ABR: variants seen among roughly 807,000 people sequenced by gnomAD.
ABR encodes the protein ABR activator of RhoGEF and GTPase.
Under a neutral mutation model 107.2 loss-of-function variants are expected in ABR, and 35 were observed. The observed-to-expected ratio is 0.33, with a 90% CI of 0.25 to 0.43. The LOEUF (loss-of-function observed/expected upper bound fraction) is 0.43. Among genes scored for constraint, ABR ranks in the 20% least tolerant of loss-of-function variants. The pLI, the probability that ABR is intolerant of heterozygous loss-of-function variation, is 1.00. For synonymous variants in ABR, 498 were observed against 462.0 expected, an observed-to-expected ratio of 1.08 and a Z score of -1.00; for missense variants, 815 against 1,115.2, an observed-to-expected ratio of 0.73 and a Z score of 3.83.
chr17:1,117,572 G>A (rs1417434890), intron 2 of ABR, among the ~76,000 whole-genome samples: 1 of 14,684 alleles, frequency 6.8e-5, no homozygotes, highest in African/African-American at 2.6e-4. Context: ...TTATCCCTGA[G>A]CCCGAGTTCC....
chr17:1,109,209 C>CA, intron 2 of ABR: 1 of 1,142,802 alleles, frequency 8.8e-7, no homozygotes, highest in Non-Finnish European at 1.2e-6. Flanking sequence ...CCCGGGACTG[C>CA]ATCCCGGACC....
chr17:1,123,395 C>T (rs780506903), intron 2 of ABR, among the ~76,000 whole-genome samples: 8 of 152,224 alleles, frequency 5.3e-5, no homozygotes, highest in Non-Finnish European at 1.0e-4. Context: ...CCAAGCAAGA[C>T]GCACAGCCAC....
At chr17:1,090,013 T>G (rs8071945) in intron 4 of ABR, among the ~76,000 whole-genome samples, 102,350 of 152,026 alleles carry the variant, frequency 0.67, 34,644 homozygotes, top group East Asian at 0.8. Context: ...TTTGGGGGAG[T>G]CAGGCAGTTA....
chr17:1,136,227 TGG>T (rs2040059448), intron 1 of ABR, among the ~76,000 whole-genome samples: 1 of 152,126 alleles, frequency 6.6e-6, no homozygotes, highest in Non-Finnish European at 1.5e-5. Context: ...TTGTTTTGTT[TGG>T]TTTTGTTGTT....
intron 1 of ABR, among the ~76,000 whole-genome samples, chr17:1,166,067 G>A (rs1332030961): frequency 4.3e-5 from 4 of 92,334 alleles, no homozygotes; most frequent in African/African-American, 1.3e-4. Flanking sequence ...CCCCGCCCCC[G>A]GAGTGTCCGC....
At chr17:1,169,970 G>A (rs1404065214) in intron 1 of ABR, among the ~76,000 whole-genome samples, 1 of 140,798 alleles carries the variant, frequency 7.1e-6, no homozygotes, top group East Asian at 2.2e-4. Context: ...GTTTGTATGG[G>A]GGGGTGTGTT....
intron 16 of ABR, among the ~76,000 whole-genome samples, chr17:1,034,042 C>A (rs2072998528): frequency 6.7e-6 from 1 of 149,416 alleles, no homozygotes; most frequent in African/African-American, 2.5e-5. Context: ...GCAATCTTGG[C>A]TCACTGCAGC....
intron 5 of ABR, among the ~76,000 whole-genome samples, chr17:1,081,148 GGCA>G (rs2036211538): frequency 6.6e-6 from 1 of 152,202 alleles, no homozygotes; most frequent in Non-Finnish European, 1.5e-5. Flanking sequence ...GGGCGGCCTT[GGCA>G]GGGCTGATCT....
chr17:1,227,224 G>A (rs1246264415), intron 1 of ABR, among the ~76,000 whole-genome samples: 1 of 152,100 alleles, frequency 6.6e-6, no homozygotes, highest in African/African-American at 2.4e-5. Flanking sequence ...GGAGACAGGC[G>A]ACGACTCACA....
At chr17:1,202,815 A>C (rs956008388) in intron 1 of ABR, among the ~76,000 whole-genome samples, 3 of 151,984 alleles carry the variant, frequency 2.0e-5, no homozygotes, top group Non-Finnish European at 4.4e-5. Flanking sequence ...TGCTTGGGAG[A>C]AAGTGGTCAG....
intron 16 of ABR, among the ~76,000 whole-genome samples, chr17:1,017,769 A>AT (rs1315981716): frequency 1.3e-5 from 2 of 150,134 alleles, no homozygotes; most frequent in African/African-American, 4.9e-5. Context: ...TGCCTGGCCA[A>AT]TTTTTTTATT....
intron 22 of ABR, 90 bp from the exon 23 acceptor site, chr17:1,006,259 A>G: frequency 3.3e-6 from 4 of 1,211,426 alleles, no homozygotes; most frequent in South Asian, 1.3e-5. Flanking sequence ...CCCACTCCCT[A>G]GACTGGCTCC....
At chr17:1,189,350 CT>C (rs202096936), upstream of ABR, among the ~76,000 whole-genome samples, 9,609 of 137,588 alleles carry the variant, frequency 0.07, 319 homozygotes, top group South Asian at 0.089. Flanking sequence ...CTATGGCTTC[CT>C]TTTTTTTTTT....
chr17:1,193,275 C>CT (rs1446571947), intron 1 of ABR, among the ~76,000 whole-genome samples: 4 of 150,954 alleles, frequency 2.6e-5, no homozygotes, highest in Non-Finnish European at 5.9e-5. Flanking sequence ...ACACCCCCTC[C>CT]CCCTCAATAC....
chr17:1,072,141 G>A (rs2035288823), intron 8 of ABR, among the ~76,000 whole-genome samples: 2 of 152,164 alleles, frequency 1.3e-5, no homozygotes, highest in African/African-American at 4.8e-5. Context: ...TAACTCAAGT[G>A]ATCCACCTGC....
Position 1,142,047 on chromosome 17 carries a change from T to C in ABR, c.62-16680A>G, listed in dbSNP as rs143600576. Among the ~76,000 whole-genome samples, 678 of 151,522 alleles carry C rather than the reference T, an allele frequency of 4.5e-3. 36 individuals are homozygous for C. In the East Asian group the frequency reaches 0.11, roughly 24 times the overall value. On this transcript the variant is annotated intron_variant, in intron 1 of 22. Coordinates refer to ENST00000302538, the MANE Select transcript of ABR (RefSeq NM_021962.5). ...TGCTGGGATTACAGGTGTGAGCCAC[T>C]GCGCCCGGCCAGTTCATGACTTGAA...
In ABR at chr17:1,222,074, C is replaced by CTTTTTTTTTTTTTTT. The variant is rs1488404002; in HGVS notation, c.838+6718_838+6719insAAAAAAAAAAAAAAA. Reference sequence around the variant, plus strand: ...ATAACAGCACCATGGAGGATCCCATCTTTTTTTCTGAGACGGAGTTTCACC... The same window carrying CTTTTTTTTTTTTTTT: ...ATAACAGCACCATGGAGGATCCCATCTTTTTTTTTTTTTTTTTTTTTTCTGAGACGGAGTTTCACC... On this transcript the variant is annotated intron_variant, in intron 1 of 22. Transcript: ENST00000574139. Among the ~76,000 whole-genome samples, 399 of 144,692 alleles carry CTTTTTTTTTTTTTTT rather than the reference C, an allele frequency of 2.8e-3. 61 individuals are homozygous for CTTTTTTTTTTTTTTT. Among genetic ancestry groups the CTTTTTTTTTTTTTTT allele is most frequent in the Non-Finnish European group, 2.8e-3 (187 of 66,344 alleles). 94.9% of individuals were successfully genotyped at this position (144,692 alleles called of 152,430 possible).
chr17:1,025,396 G>A (rs1467233866), intron 16 of ABR, among the ~76,000 whole-genome samples: 1 of 152,228 alleles, frequency 6.6e-6, no homozygotes, highest in Non-Finnish European at 1.5e-5. Context: ...TTGCGTCACA[G>A]GCTAAGAATG....
intron 4 of ABR, among the ~76,000 whole-genome samples, chr17:1,085,591 T>C (rs2036544111): frequency 1.3e-5 from 2 of 152,060 alleles, no homozygotes; most frequent in Non-Finnish European, 2.9e-5. Context: ...ACATACAAAC[T>C]GCAGAGCCGT....
Sources: allele counts gnomAD v4.1 joint callset (sites outside exome capture counted in the v4.1 genomes callset), GRCh38; gene constraint gnomAD v4.1.1; transcripts MANE v1.5; gene names NCBI Gene and HGNC (gene_info 2026-07-23, HGNC 2026-07-21).